Variants in KCNJ9 observed in about 807,000 individuals in gnomAD.
The protein encoded by KCNJ9 is G protein-activated inward rectifier potassium channel 3.
KCNJ9 carries 18 observed loss-of-function variants against 27.9 expected under a neutral mutation model. The observed-to-expected ratio is 0.65, with a 90% CI of 0.45 to 0.96. The LOEUF (loss-of-function observed/expected upper bound fraction) is 0.96. KCNJ9 is among the 40% of genes least tolerant of loss of function. KCNJ9 has a pLI of 0.00. For missense variants in KCNJ9, 324 were observed against 557.5 expected (o/e 0.58, Z 4.22); for synonymous variants, 229 against 248.2 (o/e 0.92, Z 0.73).
chr1:160,081,718 CTTGGGG>C (rs1649681164), intron 1 of KCNJ9, 21 bp downstream of exon 1: 1 of 152,036 alleles, frequency 6.6e-6, no homozygotes, highest in Admixed American at 6.5e-5. Context: ...TTGCGGGGGA[CTTGGGG>C]TTTGGGCCCC....
chr1:160,085,505 C>G (rs1338103459), intron 2 of KCNJ9, among the ~76,000 whole-genome samples: 1 of 152,184 alleles, frequency 6.6e-6, no homozygotes, highest in East Asian at 1.9e-4. Flanking sequence ...TAGGCCGGAT[C>G]TTGAGGGGAG....
chr1:160,084,621 C>T lies in KCNJ9; in HGVS notation c.591C>T (p.Ser197=), dbSNP rs1376132765. ...CLMFRVGDLR[S]SHIVEASIRA... is the part of the protein sequence containing the mutation. ...TGTTCCGCGTGGGCGACTTGCGCTC[C>T]TCACACATAGTGGAGGCCTCCATCC... Residue 197 remains serine, a synonymous_variant, in exon 2 of 3, where the codon TCC becomes TCT. Coordinates refer to ENST00000368088, the MANE Select transcript of KCNJ9 (RefSeq NM_004983.3). 5.6e-6 allele frequency: 9 copies of T among 1,608,094 alleles called. No individual in the cohort carries two copies. The highest frequency in any genetic ancestry group is 6.8e-6 in the Non-Finnish European group (8 of 1,177,528).
At position 160,084,275 on chromosome 1, in the gene KCNJ9, T is replaced by G; in HGVS notation, c.245T>G (p.Ile82Ser). The G allele has an allele frequency of 6.2e-7, 1 of 1,613,422 alleles. No homozygotes were observed. Among genetic ancestry groups the G allele is most frequent in the Non-Finnish European group, 8.5e-7 (1 of 1,179,886 alleles). ...WLFFGAIWWL[I>S]AYGRGDLEHL... The stretch of plus-strand genomic sequence containing the variant: ...TTCTTCGGCGCCATCTGGTGGCTGA[T>G]CGCCTACGGCCGCGGCGACCTGGAG... Residue 82 changes from isoleucine (I) to serine (S), a missense_variant, in exon 2 of 3, where the codon ATC becomes AGC. Physicochemically the swap from Ile to Ser is moderately radical, Grantham distance 142. This residue lies in a region of KCNJ9 where 241 missense variants were observed against 481.7 expected (regional missense o/e 0.50). Transcript: ENST00000368088.
chr1:160,085,300 A>G (rs919285855), intron 2 of KCNJ9, among the ~76,000 whole-genome samples: 3 of 152,242 alleles, frequency 2.0e-5, no homozygotes. Flanking sequence ...GATTGCTCCA[A>G]TGAGAAATTA....
rs11265318 is a variant in KCNJ9 at position 160,090,482 on chromosome 1, G to A, written c.*2665G>A. ...TTAGCTCTATGACTCTGGGCAAATC[G>A]CATATCTGGGCCTCAGTTTCCTCAT... On this transcript the variant is annotated 3_prime_UTR_variant, in exon 3 of 3. Transcript: ENST00000368088. 0.31 allele frequency: 46,923 copies of A among 152,194 alleles called. 7,445 individuals are homozygous for A. The highest frequency in any genetic ancestry group is 0.33 in the Non-Finnish European group (22,408 of 68,020). 9.4% of individuals were successfully genotyped at this position (152,194 alleles called of 1,614,324 possible).
chr1:160,086,092 T>C (rs533670947), intron 2 of KCNJ9, among the ~76,000 whole-genome samples: 1 of 152,300 alleles, frequency 6.6e-6, no homozygotes, highest in Non-Finnish European at 1.5e-5. Context: ...TTTCTCTTTG[T>C]ACCCCCAGCC....
chr1:160,082,360 G>A (rs1356867213), intron 1 of KCNJ9, among the ~76,000 whole-genome samples: 1 of 152,194 alleles, frequency 6.6e-6, no homozygotes. Context: ...TTGGGGGCAG[G>A]GGAAACCCTA....
At position 160,084,040 on chromosome 1, in the gene KCNJ9, G is replaced by C; in HGVS notation, c.10G>C (p.Glu4Gln). 2 of 1,508,020 alleles carry C rather than the reference G, an allele frequency of 1.3e-6. No individual in the cohort carries two copies. The highest frequency in any genetic ancestry group is 1.8e-6 in the Non-Finnish European group (2 of 1,132,244). The allele number at this position is 1,508,020 out of a possible 1,614,324, so 93.4% of individuals were successfully genotyped here. A position where few individuals can be genotyped will look rare whatever the true frequency, so the allele number is the denominator to read the frequency against. ...CCCTGACGCGGCCGCCATGGCGCAGGAGAACGCGGCCTTCTCGCCCGGGCA... is the reference window on the plus strand; with the variant it reads ...CCCTGACGCGGCCGCCATGGCGCAGCAGAACGCGGCCTTCTCGCCCGGGCA... MAQ[E>Q]NAAFSPGQEE... The change falls in exon 2 of 3, where the codon GAG becomes CAG. Residue 4 changes from glutamate to glutamine, a missense_variant. Glu to Gln is a conservative substitution (Grantham distance 29). Around this residue, in one of 3 missense-constraint regions of KCNJ9, gnomAD observed 32 missense variants for 31.7 expected, o/e 1.01. Coordinates refer to ENST00000368088, the MANE Select transcript of KCNJ9 (RefSeq NM_004983.3).
chr1:160,085,002 G>C (rs1304562116), intron 2 of KCNJ9, 122 bp downstream of exon 2: 1 of 1,140,212 alleles, frequency 8.8e-7, no homozygotes, highest in Non-Finnish European at 1.2e-6. Context: ...GGTGGAGGAT[G>C]AGACAGTGAG....
In KCNJ9 at chr1:160,084,524, A is replaced by G; in HGVS notation, c.494A>G (p.Asn165Ser). 6.2e-7 allele frequency: 1 copy of G among 1,612,908 alleles called. No individual in the cohort carries two copies. Among genetic ancestry groups the G allele is most frequent in the South Asian group, 1.1e-5 (1 of 91,020 alleles). ...ATGTTCGTCAAGATCTCGCAGCCCA[A>G]CAAGCGCGCAGCCACGCTCGTCTTC... ...GCMFVKISQP[N>S]KRAATLVFSS... Residue 165 changes from asparagine (N) to serine (S), a missense_variant, in exon 2 of 3, where the codon AAC becomes AGC. Physicochemically the swap from Asn to Ser is conservative, Grantham distance 46 (BLOSUM62 1). This residue lies in a region of KCNJ9 where 241 missense variants were observed against 481.7 expected (regional missense o/e 0.50). Coordinates refer to ENST00000368088, the MANE Select transcript of KCNJ9 (RefSeq NM_004983.3).
chr1:160,082,224 C>G (rs1327176480), intron 1 of KCNJ9, among the ~76,000 whole-genome samples: 1 of 152,184 alleles, frequency 6.6e-6, no homozygotes, highest in African/African-American at 2.4e-5. Context: ...TGGAAGCCCA[C>G]CTGGGACTAA....
chr1:160,086,454 G>A (rs2101947331), intron 2 of KCNJ9, among the ~76,000 whole-genome samples: 1 of 152,290 alleles, frequency 6.6e-6, no homozygotes, highest in South Asian at 2.1e-4. Flanking sequence ...GATAAAGCTG[G>A]AAAGGATGGT....
Position 160,085,632 on chromosome 1 carries a change from T to C in KCNJ9, c.850+752T>C, listed in dbSNP as rs146303095. ...TTCCAAAAGGAACTGGCAACTCATC[T>C]GTGATGTCAATAAGTCCAACCCAGA... On this transcript the variant is annotated intron_variant, in intron 2 of 2. Transcript: ENST00000368088. Among the ~76,000 whole-genome samples the C allele has an allele frequency of 3.9e-3, 601 of 152,374 alleles. 3 individuals carry two copies. Among genetic ancestry groups the C allele is most frequent in the Middle Eastern group, 0.014 (4 of 294 alleles).
In KCNJ9 at chr1:160,087,712, G is replaced by C; in HGVS notation, c.1077G>C (p.Glu359Asp). Residue 359 changes from glutamate (E) to aspartate (D), a missense_variant, in exon 3 of 3, where the codon GAG becomes GAC. By Grantham distance (45) the Glu-to-Asp change is conservative. Coordinates refer to ENST00000368088, the MANE Select transcript of KCNJ9 (RefSeq NM_004983.3). ...GGTCCATCCCCAGCCGGCTGGATGA[G>C]AAGGTGGAGGAGGAGGGGGCGGGGG... Reference protein sequence around the residue: ...LYWSIPSRLDEKVEEEGAGEG... With the variant: ...LYWSIPSRLDDKVEEEGAGEG... The C allele has an allele frequency of 8.0e-7, 1 of 1,244,226 alleles. No individual in the cohort carries two copies. The highest frequency in any genetic ancestry group is 1.1e-6 in the Non-Finnish European group (1 of 939,926). 77.1% of individuals were successfully genotyped at this position (1,244,226 alleles called of 1,614,324 possible).
chr1:160,083,866 C>T (rs1316273630), intron 1 of KCNJ9, 51 bp from the exon 2 acceptor site: 4 of 496,860 alleles, frequency 8.1e-6, no homozygotes, highest in African/African-American at 4.1e-5. Context: ...CCTGATGCCC[C>T]GTGCCTCCCC....
At position 160,084,590 on chromosome 1, in the gene KCNJ9, G is replaced by A. The variant is rs2101945897; in HGVS notation, c.560G>A (p.Cys187Tyr). The change falls in exon 2 of 3, where the codon TGC (cysteine) becomes TAC (tyrosine). Residue 187 changes from cysteine to tyrosine, a missense_variant. Transcript: ENST00000368088. ...AVVSLRDGRL[C>Y]LMFRVGDLRS... is the part of the protein sequence containing the mutation. ...GTGTCGCTGCGCGACGGGCGCCTCT[G>A]CCTCATGTTCCGCGTGGGCGACTTG... 1 of 1,610,916 alleles carries A rather than the reference G, an allele frequency of 6.2e-7. No homozygotes were observed. Among genetic ancestry groups the A allele is most frequent in the Non-Finnish European group, 8.5e-7 (1 of 1,178,686 alleles).
At position 160,084,460 on chromosome 1, in the gene KCNJ9, A is replaced by G. The variant is rs781758954; in HGVS notation, c.430A>G (p.Ile144Val). ...EGIVLLLLQAILGSMVNAFMV... is the reference protein window; with the variant it reads ...EGIVLLLLQAVLGSMVNAFMV... ...CATCGTGCTGCTGCTGCTGCAGGCCATCCTGGGCTCCATGGTGAACGCCTT... is the reference window on the plus strand; with the variant it reads ...CATCGTGCTGCTGCTGCTGCAGGCCGTCCTGGGCTCCATGGTGAACGCCTT... The change falls in exon 2 of 3, where the codon ATC (isoleucine) becomes GTC (valine). Residue 144 changes from isoleucine to valine, a missense_variant. Physicochemically the swap from Ile to Val is conservative, Grantham distance 29. Coordinates refer to ENST00000368088, the MANE Select transcript of KCNJ9 (RefSeq NM_004983.3). 22 of 1,613,644 alleles carry G rather than the reference A, an allele frequency of 1.4e-5. No homozygotes were observed.
rs754325438 is a variant in KCNJ9, at chr1:160,087,473, C to G, written c.851-13C>G. 9 of 1,580,716 alleles carry G rather than the reference C, an allele frequency of 5.7e-6. No homozygotes were observed. In the South Asian group the frequency reaches 1.1e-4, roughly 19 times the overall value. On this transcript the variant is annotated splice_polypyrimidine_tract_variant and intron_variant, in intron 2 of 2. Transcript: ENST00000368088. ...GAGCTGAGATTCCCCCTGACCGGTGCCCCTCCTCCCAGGAATGACATGCCA... is the reference window on the plus strand; with the variant it reads ...GAGCTGAGATTCCCCCTGACCGGTGGCCCTCCTCCCAGGAATGACATGCCA...
rs1649871890 is a variant in KCNJ9 at position 160,090,138 on chromosome 1, A to C, written c.*2321A>C. ...CACTGGGGCCCTGTCATCAAAGATGAGATTCCTGAAGCCTGGCATTGACTG... is the reference window on the plus strand; with the variant it reads ...CACTGGGGCCCTGTCATCAAAGATGCGATTCCTGAAGCCTGGCATTGACTG... On this transcript the variant is annotated 3_prime_UTR_variant, in exon 3 of 3. Transcript: ENST00000368088. 1 of 152,208 alleles carries C rather than the reference A, an allele frequency of 6.6e-6. No homozygotes were observed. The highest frequency in any genetic ancestry group is 6.5e-5 in the Admixed American group (1 of 15,276). The allele number at this position is 152,208 out of a possible 1,614,324, so 9.4% of individuals were successfully genotyped here.
Sources: gnomAD v4.1 joint callset for allele counts (sites outside exome capture counted in the v4.1 genomes callset) on GRCh38, gnomAD v4.1.1 for gene constraint, gnomAD v4.1.1 regional missense constraint, MANE v1.5 for transcripts, NCBI Gene and HGNC (gene_info 2026-07-23, HGNC 2026-07-21) for gene names.